FBXO38: variants seen among roughly 807,000 people sequenced by gnomAD.
FBXO38 encodes the protein F-box only protein 38.
A neutral mutation model predicts 131.9 loss-of-function variants in FBXO38; 53 were observed. The ratio of observed to expected loss-of-function variants is 0.40; its 90% confidence interval spans 0.32 to 0.51. The LOEUF (loss-of-function observed/expected upper bound fraction) is 0.51, where lower values mean the gene tolerates loss of function less well. FBXO38 is among the 20% of genes least tolerant of loss of function. The probability of loss-of-function intolerance (pLI) is 0.53; values close to 1 mark genes in which losing one functional copy is unlikely to be tolerated. For synonymous variants in FBXO38, 452 were observed against 505.6 expected (o/e 0.89, Z 1.42); for missense variants, 1,076 against 1,475.6 (o/e 0.73, Z 4.44).
chr5:148,439,590 A>T (rs1754554115), intron 18 of FBXO38, 57 bp from the exon 19 acceptor site: 1 of 1,534,998 alleles, frequency 6.5e-7, no homozygotes, highest in Admixed American at 1.8e-5. Context: ...GCTCTCGGAG[A>T]GAGATTTCTA....
intron 12 of FBXO38, among the ~76,000 whole-genome samples, chr5:148,421,995 T>A (rs888662012): frequency 1.3e-5 from 2 of 152,160 alleles, no homozygotes; most frequent in African/African-American, 4.8e-5. Flanking sequence ...ATCTCTCCAG[T>A]ATGCCTACAT....
chr5:148,431,884 T>C (rs1349476536), intron 15 of FBXO38, among the ~76,000 whole-genome samples: 1 of 152,152 alleles, frequency 6.6e-6, no homozygotes, highest in Non-Finnish European at 1.5e-5. Context: ...TTGGGCTCCT[T>C]TTCTGCCTTC....
chr5:148,391,192 C>T (rs754996453), intron 1 of FBXO38, among the ~76,000 whole-genome samples: 4 of 152,128 alleles, frequency 2.6e-5, no homozygotes, highest in South Asian at 2.1e-4. Context: ...TGGTAGCAAA[C>T]GTCTCATAAG....
chr5:148,393,225 G>GTGTGTGTA (rs1336389699), intron 1 of FBXO38, among the ~76,000 whole-genome samples: 1 of 150,654 alleles, frequency 6.6e-6, no homozygotes, highest in African/African-American at 2.5e-5. Flanking sequence ...GTGTGTGTGT[G>GTGTGTGTA]TGTGTGTGTG....
At chr5:148,431,112 A>G (rs1754022145) in intron 15 of FBXO38, among the ~76,000 whole-genome samples, 1 of 152,196 alleles carries the variant, frequency 6.6e-6, no homozygotes, top group Admixed American at 6.5e-5. Flanking sequence ...CTTTTTCACC[A>G]GTATATTTCT....
chr5:148,434,771 T>A (rs925554240), intron 17 of FBXO38: 1 of 152,182 alleles, frequency 6.6e-6, no homozygotes, highest in African/African-American at 2.4e-5. Flanking sequence ...TGTATTTTTT[T>A]AAAAAACTTT....
At chr5:148,430,200 G>C (rs1003573836) in intron 15 of FBXO38, 1 of 149,318 alleles carries the variant, frequency 6.7e-6, no homozygotes, top group African/African-American at 2.5e-5. Context: ...TGTCAGCCAG[G>C]CTGGAGTGCA....
At chr5:148,440,626 G>A in intron 20 of FBXO38, 99 bp downstream of exon 20, 1 of 689,324 alleles carries the variant, frequency 1.5e-6, no homozygotes, top group South Asian at 2.0e-5. Context: ...GATCACTTGA[G>A]CCCAAGAGTT....
intron 2 of FBXO38, among the ~76,000 whole-genome samples, chr5:148,396,952 G>A (rs1302692860): frequency 6.6e-6 from 1 of 152,116 alleles, no homozygotes; most frequent in Non-Finnish European, 1.5e-5. Flanking sequence ...ACATTGTGCA[G>A]TTCAAACAGA....
chr5:148,427,734 G>T lies in FBXO38; in HGVS notation c.2440G>T (p.Ala814Ser), dbSNP rs201680339. Residue 814 changes from alanine (A) to serine (S), a missense_variant, in exon 15 of 22, where the codon GCC becomes TCC. By Grantham distance (99) the Ala-to-Ser change is moderately conservative (BLOSUM62 1). Transcript: ENST00000340253. ...GAATGGCCCGGATGGTACGAGATCC[G>T]CCTTTTCCTTTAGGACTCTGCCACA... ...VVNGPDGTRS[A>S]FSFRTLPQGG... is the part of the protein sequence containing the mutation. The T allele has an allele frequency of 5.8e-5, 94 of 1,613,822 alleles. No homozygotes were observed. The South Asian group carries it at 9.2e-4, about 16-fold the overall frequency.
intron 7 of FBXO38, among the ~76,000 whole-genome samples, chr5:148,407,933 AAGAGAG>A (rs745540970): frequency 1.3e-5 from 2 of 151,784 alleles, no homozygotes; most frequent in Non-Finnish European, 2.9e-5. Context: ...TCAAAAAAAA[AAGAGAG>A]AGAGAGAGTG....
At chr5:148,407,168 C>T (rs1303049299) in intron 7 of FBXO38, among the ~76,000 whole-genome samples, 3 of 152,120 alleles carry the variant, frequency 2.0e-5, no homozygotes, top group African/African-American at 7.2e-5. Context: ...TTACATTTAG[C>T]CAGTGGGATG....
intron 17 of FBXO38, among the ~76,000 whole-genome samples, chr5:148,437,151 G>A (rs1038095501): frequency 2.9e-4 from 44 of 152,116 alleles, no homozygotes; most frequent in African/African-American, 9.7e-4. Context: ...TGGATCACAC[G>A]GCCTCAGGCC....
chr5:148,404,802 T>C lies in FBXO38; in HGVS notation c.710T>C (p.Phe237Ser). Reference sequence around the variant, plus strand: ...TTCCTTTGTATCAGCTTAAGAACTTTCGTCATGAGGAACTGTGCAGGTAAT... The same window carrying C: ...TTCCTTTGTATCAGCTTAAGAACTTCCGTCATGAGGAACTGTGCAGGTAAT... ...KDFLCISLRT[F>S]VMRNCAGPTN... The change falls in exon 6 of 22, where the codon TTC (phenylalanine) becomes TCC (serine). Residue 237 changes from phenylalanine (F) to serine (S), a missense_variant. This residue lies in a region of FBXO38 where 66 missense variants were observed against 72.4 expected (regional missense o/e 0.91). Coordinates refer to ENST00000340253, the MANE Select transcript of FBXO38 (RefSeq NM_205836.3). 6.2e-7 allele frequency: 1 copy of C among 1,607,282 alleles called. No individual in the cohort carries two copies. Among genetic ancestry groups the C allele is most frequent in the Non-Finnish European group, 8.5e-7 (1 of 1,177,910 alleles).
intron 17 of FBXO38, among the ~76,000 whole-genome samples, chr5:148,436,037 G>A (rs961340446): frequency 6.6e-6 from 1 of 152,064 alleles, no homozygotes; most frequent in Non-Finnish European, 1.5e-5. Flanking sequence ...ATTGATCATA[G>A]ACCACCATAA....
chr5:148,407,943 G>A (rs950131878), intron 7 of FBXO38, among the ~76,000 whole-genome samples: 3 of 151,830 alleles, frequency 2.0e-5, no homozygotes, highest in Admixed American at 6.6e-5. Flanking sequence ...AAGAGAGAGA[G>A]AGAGTGAAAA....
At chr5:148,422,949 CTGGT>C (rs879477297) in intron 12 of FBXO38, among the ~76,000 whole-genome samples, 1 of 142,544 alleles carries the variant, frequency 7.0e-6, no homozygotes, top group Admixed American at 7.0e-5. Flanking sequence ...ACACAGATAA[CTGGT>C]TTGTTTGTTT....
At chr5:148,387,099 A>G (rs1757953058) in intron 1 of FBXO38, among the ~76,000 whole-genome samples, 1 of 152,140 alleles carries the variant, frequency 6.6e-6, no homozygotes, top group African/African-American at 2.4e-5. Flanking sequence ...TCTAGGAAAT[A>G]TTTTGTTGTA....
At chr5:148,391,266 C>T (rs1459350914) in intron 1 of FBXO38, among the ~76,000 whole-genome samples, 2 of 152,170 alleles carry the variant, frequency 1.3e-5, no homozygotes, top group Admixed American at 1.3e-4. Context: ...AATGGAAAGA[C>T]TGGTGGATAT....
Sources: gnomAD v4.1 joint callset for allele counts (sites outside exome capture counted in the v4.1 genomes callset) on GRCh38, gnomAD v4.1.1 for gene constraint, gnomAD v4.1.1 regional missense constraint, MANE v1.5 for transcripts, NCBI Gene and HGNC (gene_info 2026-07-23, HGNC 2026-07-21) for gene names.